GRM7: variants seen among roughly 807,000 people sequenced by gnomAD.
GRM7 encodes metabotropic glutamate receptor 7.
In GRM7, 35 loss-of-function variants were observed where a neutral mutation model predicts 84.5. That is an observed-to-expected ratio of 0.41 (90% CI 0.32 to 0.55). The LOEUF is 0.55. Ranked by LOEUF, GRM7 falls within the 20% of genes least tolerant of loss-of-function variation. GRM7 has a pLI of 0.19. For synonymous variants in GRM7, 487 were observed against 455.1 expected (o/e 1.07, Z -0.89); for missense variants, 1,003 against 1,194.6 (o/e 0.84, Z 2.36).
At chr3:6,939,032 C>G (rs1697792829) in intron 1 of GRM7, among the ~76,000 whole-genome samples, 1 of 152,230 alleles carries the variant, frequency 6.6e-6, no homozygotes, top group Non-Finnish European at 1.5e-5. Flanking sequence ...AGAATACCAA[C>G]TGCTAGAGTT....
chr3:7,233,642 T>C lies in GRM7; in HGVS notation c.737-65042T>C, dbSNP rs186092699. 4.6e-5 allele frequency among the ~76,000 whole-genome samples: 7 copies of C among 152,292 alleles called. No individual in the cohort carries two copies. In the East Asian group the frequency reaches 1.3e-3, roughly 29 times the overall value. ...AACATAGAAATAGTCATTTATTCAA[T>C]ACCTGCTCTGTGCAAGACCCCTTGT... On this transcript the variant is annotated intron_variant, in intron 2 of 9. Transcript: ENST00000357716.
chr3:7,248,352 A>C (rs1697851826), intron 2 of GRM7, among the ~76,000 whole-genome samples: 1 of 152,192 alleles, frequency 6.6e-6, no homozygotes. Context: ...CAGATAAAGG[A>C]AGCCGAATGC....
chr3:7,063,513 T>G (rs1697506430), intron 1 of GRM7, among the ~76,000 whole-genome samples: 1 of 151,802 alleles, frequency 6.6e-6, no homozygotes, highest in South Asian at 2.1e-4. Context: ...AATTTCCCAG[T>G]TCTTGAAGGA....
intron 1 of GRM7, among the ~76,000 whole-genome samples, chr3:6,931,260 A>G (rs1470148578): frequency 6.6e-6 from 1 of 152,164 alleles, no homozygotes; most frequent in African/African-American, 2.4e-5. Context: ...AGAACATGTC[A>G]AGGCTTTGTC....
intron 7 of GRM7, among the ~76,000 whole-genome samples, chr3:7,498,540 T>A (rs11131077): frequency 1.2e-3 from 190 of 152,046 alleles, no homozygotes; most frequent in African/African-American, 3.9e-3. Flanking sequence ...TCCCTAGGGT[T>A]GAATCCGGAT....
chr3:7,643,135 T>G (rs964805654), intron 8 of GRM7, among the ~76,000 whole-genome samples: 2 of 152,172 alleles, frequency 1.3e-5, no homozygotes, highest in African/African-American at 2.4e-5. Flanking sequence ...TACTTGGGAT[T>G]TCAGCATCCA....
chr3:7,003,010 G>A (rs1695068290), intron 1 of GRM7, among the ~76,000 whole-genome samples: 1 of 152,128 alleles, frequency 6.6e-6, no homozygotes, highest in African/African-American at 2.4e-5. Flanking sequence ...ATCATATGAT[G>A]TCATTTATAT....
intron 9 of GRM7, among the ~76,000 whole-genome samples, chr3:7,700,946 A>G: frequency 6.6e-6 from 1 of 152,232 alleles, no homozygotes; most frequent in East Asian, 1.9e-4. Context: ...TTTCTTCTTC[A>G]AGACAGTTGT....
intron 8 of GRM7, among the ~76,000 whole-genome samples, chr3:7,615,313 C>A (rs1249914141): frequency 6.6e-6 from 1 of 152,048 alleles, no homozygotes; most frequent in African/African-American, 2.4e-5. Context: ...TCTCCATTCC[C>A]ACTTTCAGTT....
chr3:7,556,580 C>T (rs1388869009), intron 7 of GRM7, among the ~76,000 whole-genome samples: 1 of 152,088 alleles, frequency 6.6e-6, no homozygotes, highest in African/African-American at 2.4e-5. Flanking sequence ...CTGTTTGGTG[C>T]CAGGCATTGT....
At chr3:7,201,620 C>G (rs768577162) in intron 2 of GRM7, among the ~76,000 whole-genome samples, 1 of 152,078 alleles carries the variant, frequency 6.6e-6, no homozygotes, top group Non-Finnish European at 1.5e-5. Flanking sequence ...AAATATTTTC[C>G]CAATTCAATC....
At chr3:7,120,241 C>T (rs1693172163) in intron 1 of GRM7, among the ~76,000 whole-genome samples, 2 of 151,916 alleles carry the variant, frequency 1.3e-5, no homozygotes, top group African/African-American at 2.4e-5. Flanking sequence ...TAGTCAAGAA[C>T]GGGAAAAGAG....
chr3:7,101,677 C>T (rs936828395), intron 1 of GRM7, among the ~76,000 whole-genome samples: 3 of 150,544 alleles, frequency 2.0e-5, no homozygotes, highest in African/African-American at 7.3e-5. Context: ...ATTTATTCAA[C>T]TGTTTTCATG....
chr3:7,234,943 C>T (rs1038367955), intron 2 of GRM7, among the ~76,000 whole-genome samples: 1 of 152,164 alleles, frequency 6.6e-6, no homozygotes. Flanking sequence ...CAGGCTTCTG[C>T]AAAATAATGT....
chr3:6,960,970 T>G (rs1463609905), intron 1 of GRM7, among the ~76,000 whole-genome samples: 3 of 152,190 alleles, frequency 2.0e-5, no homozygotes, highest in Non-Finnish European at 2.9e-5. Flanking sequence ...TCTCCTTATT[T>G]TCTGAATATT....
At chr3:7,673,165 G>C (rs898384348) in intron 8 of GRM7, among the ~76,000 whole-genome samples, 3 of 152,122 alleles carry the variant, frequency 2.0e-5, no homozygotes, top group Non-Finnish European at 4.4e-5. Context: ...AGCGTTATGA[G>C]ATAGGTATTA....
intron 1 of GRM7, among the ~76,000 whole-genome samples, chr3:7,109,809 T>C (rs942042204): frequency 6.6e-6 from 1 of 152,160 alleles, no homozygotes; most frequent in Non-Finnish European, 1.5e-5. Context: ...GCAATACCAT[T>C]GCAAGTAATT....
intron 7 of GRM7, among the ~76,000 whole-genome samples, chr3:7,479,890 A>G (rs80058266): frequency 8.9e-4 from 136 of 152,284 alleles, no homozygotes; most frequent in African/African-American, 3.2e-3. Context: ...TTAAATTCAC[A>G]TAAAAGTTAA....
intron 8 of GRM7, among the ~76,000 whole-genome samples, chr3:7,583,081 C>G (rs1194128383): frequency 6.6e-6 from 1 of 152,090 alleles, no homozygotes; most frequent in Non-Finnish European, 1.5e-5. Context: ...AATCAAGGAA[C>G]CAGGAGATCA....
Sources: gnomAD v4.1 joint callset for allele counts (sites outside exome capture counted in the v4.1 genomes callset) on GRCh38, gnomAD v4.1.1 for gene constraint, MANE v1.5 for transcripts, NCBI Gene and HGNC (gene_info 2026-07-23, HGNC 2026-07-21) for gene names.